BMPR1B: variants seen among roughly 807,000 people sequenced by gnomAD.
The protein encoded by BMPR1B is bone morphogenetic protein receptor type 1B, also known as bone morphogenetic protein receptor type-1B.
A neutral mutation model predicts 59.1 loss-of-function variants in BMPR1B; 12 were observed. The ratio of observed to expected loss-of-function variants is 0.20; its 90% confidence interval spans 0.13 to 0.33. The LOEUF (loss-of-function observed/expected upper bound fraction) is 0.33, where lower values mean the gene tolerates loss of function less well. Among genes scored for constraint, BMPR1B ranks in the 10% least tolerant of loss-of-function variants. The probability of loss-of-function intolerance (pLI) is 1.00; values close to 1 mark genes in which losing one functional copy is unlikely to be tolerated. For synonymous variants in BMPR1B, 237 were observed against 207.3 expected (o/e 1.14, Z -1.23); for missense variants, 550 against 610.9 (o/e 0.90, Z 1.05).
intron 2 of BMPR1B, among the ~76,000 whole-genome samples, chr4:94,946,749 A>G (rs1200641288): frequency 6.6e-6 from 1 of 152,078 alleles, no homozygotes; most frequent in Non-Finnish European, 1.5e-5. Flanking sequence ...TTATGCCATG[A>G]TATTCAAAAG....
chr4:94,797,511 A>G (rs1723240626), intron 1 of BMPR1B, among the ~76,000 whole-genome samples: 1 of 152,220 alleles, frequency 6.6e-6, no homozygotes, highest in South Asian at 2.1e-4. Context: ...TTAACGAAAT[A>G]TTAAATATGA....
chr4:94,929,370 T>G (rs1268038715), intron 2 of BMPR1B, among the ~76,000 whole-genome samples: 1 of 152,102 alleles, frequency 6.6e-6, no homozygotes, highest in African/African-American at 2.4e-5. Flanking sequence ...TCATATTTGC[T>G]CCTCTGTAAC....
At chr4:94,794,214 T>C in intron 1 of BMPR1B, among the ~76,000 whole-genome samples, 1 of 139,326 alleles carries the variant, frequency 7.2e-6, no homozygotes, top group East Asian at 2.0e-4. Flanking sequence ...AAGGAAGGGA[T>C]CCAGTTTCAG....
chr4:94,910,954 C>G (rs936717994), intron 2 of BMPR1B, among the ~76,000 whole-genome samples: 1 of 152,036 alleles, frequency 6.6e-6, no homozygotes, highest in Non-Finnish European at 1.5e-5. Flanking sequence ...TTTAAAAATC[C>G]TTATGAATAA....
At chr4:95,072,426 A>G (rs371760079) in intron 3 of BMPR1B, among the ~76,000 whole-genome samples, 58 of 152,320 alleles carry the variant, frequency 3.8e-4, no homozygotes, top group African/African-American at 1.3e-3. Context: ...CATTTATTCA[A>G]TCAGGAAGCA....
chr4:94,781,661 C>T (rs181365932), intron 1 of BMPR1B, among the ~76,000 whole-genome samples: 2 of 152,360 alleles, frequency 1.3e-5, no homozygotes, highest in Admixed American at 1.3e-4. Flanking sequence ...CCACCCACCT[C>T]AGCCTCCCAA....
At chr4:95,087,736 AAAAT>A (rs1206273122) in intron 3 of BMPR1B, among the ~76,000 whole-genome samples, 11 of 152,154 alleles carry the variant, frequency 7.2e-5, no homozygotes, top group African/African-American at 2.7e-4. Flanking sequence ...TGTCTCAAAA[AAAAT>A]AAATAAATAA....
chr4:94,977,272 C>T (rs1397940954), intron 2 of BMPR1B, among the ~76,000 whole-genome samples: 2 of 152,176 alleles, frequency 1.3e-5, no homozygotes, highest in South Asian at 2.1e-4. Context: ...AGGCTTTTGT[C>T]TGTCTTAAAG....
chr4:95,078,998 A>G (rs1467890337), intron 3 of BMPR1B, among the ~76,000 whole-genome samples: 2 of 152,106 alleles, frequency 1.3e-5, no homozygotes, highest in African/African-American at 4.8e-5. Context: ...AACTCAAGTA[A>G]TCCACCTGCC....
In BMPR1B at chr4:94,888,849, AATATATCATG is replaced by A. The variant is rs1462432984; in HGVS notation, c.-113+12959_-113+12968del. Reference sequence around the variant, plus strand: ...GAAATGCTATTAATGATATACTTCTAATATATCATGATATATCATAATGATATATCTCCAA... The same window carrying A: ...GAAATGCTATTAATGATATACTTCTAATATATCATAATGATATATCTCCAA... On this transcript the variant is annotated intron_variant, in intron 2 of 12. Coordinates refer to ENST00000515059, the MANE Select transcript of BMPR1B (RefSeq NM_001203.3). Among the ~76,000 whole-genome samples, 13 of 152,188 alleles carry A rather than the reference AATATATCATG, an allele frequency of 8.5e-5. No homozygotes were observed. The South Asian group carries it at 1.7e-3, about 19-fold the overall frequency.
chr4:94,833,751 C>A (rs1281426999), intron 1 of BMPR1B, among the ~76,000 whole-genome samples: 3 of 152,102 alleles, frequency 2.0e-5, no homozygotes, highest in Non-Finnish European at 4.4e-5. Context: ...ATTATAGACC[C>A]AGAATTGTTC....
At chr4:94,876,726 T>C (rs893820876) in intron 2 of BMPR1B, among the ~76,000 whole-genome samples, 1 of 152,196 alleles carries the variant, frequency 6.6e-6, no homozygotes, top group Non-Finnish European at 1.5e-5. Flanking sequence ...TTGAACTGGC[T>C]CATAATAATG....
At chr4:94,925,450 G>T (rs1487347882) in intron 2 of BMPR1B, among the ~76,000 whole-genome samples, 6 of 152,156 alleles carry the variant, frequency 3.9e-5, no homozygotes, top group African/African-American at 1.2e-4. Context: ...ATAAGTCAGT[G>T]AATTTTACTG....
intron 1 of BMPR1B, among the ~76,000 whole-genome samples, chr4:94,856,195 T>G (rs75899546): frequency 1.3e-5 from 2 of 152,340 alleles, no homozygotes; most frequent in Admixed American, 1.3e-4. Flanking sequence ...GTTGTTTTTT[T>G]GATAAGATCT....
chr4:94,823,225 G>A (rs1258799448), intron 1 of BMPR1B, among the ~76,000 whole-genome samples: 2 of 152,194 alleles, frequency 1.3e-5, no homozygotes, highest in African/African-American at 4.8e-5. Context: ...GACAGAAGGT[G>A]TAAAAGAGTT....
chr4:95,085,676 T>C lies in BMPR1B; in HGVS notation c.-17-18732T>C, dbSNP rs185122674. Reference sequence around the variant, plus strand: ...TGCTGGGAAACTTGATATGTGTAAATAGAAAATATATAAGCAAAGTTATCA... The same window carrying C: ...TGCTGGGAAACTTGATATGTGTAAACAGAAAATATATAAGCAAAGTTATCA... On this transcript the variant is annotated intron_variant, in intron 3 of 12. Coordinates refer to ENST00000515059, the MANE Select transcript of BMPR1B (RefSeq NM_001203.3). 7.9e-5 allele frequency among the ~76,000 whole-genome samples: 12 copies of C among 152,254 alleles called. No individual in the cohort carries two copies. In the East Asian group the frequency reaches 2.3e-3, roughly 29 times the overall value.
chr4:94,942,979 C>T (rs1239350160), intron 2 of BMPR1B, among the ~76,000 whole-genome samples: 4 of 152,186 alleles, frequency 2.6e-5, no homozygotes, highest in Admixed American at 2.6e-4. Flanking sequence ...GCAGTATCTT[C>T]AGTCGTCAAC....
intron 3 of BMPR1B, among the ~76,000 whole-genome samples, chr4:95,056,785 A>G (rs1275135242): frequency 7.3e-6 from 1 of 137,916 alleles, no homozygotes; most frequent in African/African-American, 2.5e-5. Context: ...AGGCCTGAAA[A>G]CAAACAAAAC....
intron 3 of BMPR1B, among the ~76,000 whole-genome samples, chr4:95,023,708 T>G (rs973300837): frequency 6.6e-6 from 1 of 152,190 alleles, no homozygotes; most frequent in African/African-American, 2.4e-5. Flanking sequence ...AAAATGTGTT[T>G]ATATGCATTT....
Sources: allele counts gnomAD v4.1 joint callset (sites outside exome capture counted in the v4.1 genomes callset), GRCh38; gene constraint gnomAD v4.1.1; transcripts MANE v1.5; gene names NCBI Gene and HGNC (gene_info 2026-07-23, HGNC 2026-07-21).